The following RASA3 variants were observed in gnomAD, a reference collection of about 807,000 sequenced individuals.
RASA3 encodes RAS p21 protein activator 3, also known as ras GTPase-activating protein 3.
RASA3 carries 73 observed loss-of-function variants against 110.0 expected under a neutral mutation model. The observed-to-expected ratio is 0.66, with a 90% CI of 0.55 to 0.81. The LOEUF (loss-of-function observed/expected upper bound fraction) is 0.81. RASA3 is among the 30% of genes least tolerant of loss of function. The pLI is 0.00. For synonymous variants in RASA3, 500 were observed against 451.4 expected, an observed-to-expected ratio of 1.11 and a Z score of -1.37; for missense variants, 976 against 1,113.2, an observed-to-expected ratio of 0.88 and a Z score of 1.75.
At chr13:114,046,195 G>A (rs538706274) in intron 3 of RASA3, among the ~76,000 whole-genome samples, 111 of 152,356 alleles carry the variant, frequency 7.3e-4, no homozygotes, top group African/African-American at 2.5e-3. Flanking sequence ...TCAAGACTGC[G>A]TGGTATTGGC....
rs1428814840 is a variant in RASA3 at position 113,978,784 on chromosome 13, G to C, written c.*563C>G. On this transcript the variant is annotated 3_prime_UTR_variant, in exon 24 of 24. Transcript: ENST00000334062. ...CTCAGCCAGGAATCAAACGAACCTC[G>C]AAAGTGGAACAGGGAGGCCGCCTCC... 4 of 153,722 alleles carry C rather than the reference G, an allele frequency of 2.6e-5. No individual in the cohort carries two copies. The highest frequency in any genetic ancestry group is 4.3e-5 in the Non-Finnish European group (3 of 69,060). The allele number at this position is 153,722 out of a possible 1,614,324, so 9.5% of individuals were successfully genotyped here.
At position 113,996,611 on chromosome 13, in the gene RASA3, G is replaced by A. The variant is rs771810045; in HGVS notation, c.2061C>T (p.His687=). The A allele has an allele frequency of 6.2e-7, 1 of 1,613,676 alleles. No homozygotes were observed. The highest frequency in any genetic ancestry group is 8.5e-7 in the Non-Finnish European group (1 of 1,180,034). ...AGTGGCCGCTCAGGTAGGCGGACGG[G>A]TGGTAGACGGTGAGGCGCTTCTGGT... is the stretch of plus-strand genomic sequence containing the variant. ...QCNQKRLTVY[H]PSAYLSGHWL... Residue 687 remains histidine, a synonymous_variant, in exon 21 of 24, where the codon CAC becomes CAT. Transcript: ENST00000334062.
At chr13:114,033,845 C>T (rs576456677) in intron 4 of RASA3, among the ~76,000 whole-genome samples, 53 of 152,352 alleles carry the variant, frequency 3.5e-4, no homozygotes, top group African/African-American at 1.2e-3. Context: ...AGAGCAGGTC[C>T]TGAGGGGCCA....
At chr13:114,108,579 G>A (rs983562678) in intron 1 of RASA3, 22 of 150,648 alleles carry the variant, frequency 1.5e-4, no homozygotes, top group African/African-American at 4.2e-4. Flanking sequence ...CCCCGCGTCC[G>A]CCATCCACAT....
chr13:114,015,844 C>T (rs905472929), intron 13 of RASA3, among the ~76,000 whole-genome samples: 1 of 151,978 alleles, frequency 6.6e-6, no homozygotes, highest in Non-Finnish European at 1.5e-5. Flanking sequence ...GGAGCCGGGG[C>T]GGAGGCAGAG....
At chr13:114,052,734 TC>T (rs2079168187) in intron 2 of RASA3, among the ~76,000 whole-genome samples, 1 of 50,570 alleles carries the variant, frequency 2.0e-5, no homozygotes, top group Non-Finnish European at 3.9e-5. Context: ...GGGGGAGAGA[TC>T]CCCGCTGCTG....
At chr13:114,009,335 T>C in intron 17 of RASA3, 52 bp downstream of exon 17, 8 of 1,409,308 alleles carry the variant, frequency 5.7e-6, no homozygotes, top group East Asian at 2.3e-5. Flanking sequence ...AAAAGAGAAC[T>C]CCGTCTCCTG....
Position 114,048,231 on chromosome 13 carries a change from C to T in RASA3, c.277+3821G>A, listed in dbSNP as rs1294451767. Among the ~76,000 whole-genome samples, 5 of 151,446 alleles carry T rather than the reference C, an allele frequency of 3.3e-5. No homozygotes were observed. Among genetic ancestry groups the T allele is most frequent in the African/African-American group, 1.2e-4 (5 of 41,136 alleles). On this transcript the variant is annotated intron_variant, in intron 3 of 23. Transcript: ENST00000334062. The surrounding 1 kb of genome is among the most constrained non-coding windows in gnomAD (Gnocchi z 4.3). ...TCGGGAAGCTGAGGCAGGAGAATGGCGTGAACCCGGGAGGTGGAGGTTGCA... is the reference window on the plus strand; with the variant it reads ...TCGGGAAGCTGAGGCAGGAGAATGGTGTGAACCCGGGAGGTGGAGGTTGCA...
chr13:114,110,990 TAA>T (rs534002547), intron 1 of RASA3, among the ~76,000 whole-genome samples: 3 of 130,720 alleles, frequency 2.3e-5, no homozygotes, highest in Non-Finnish European at 3.3e-5. Context: ...CTGCTCAAAG[TAA>T]AAAAAAAAAA....
At chr13:114,028,003 G>T in intron 5 of RASA3, 76 bp from the exon 6 acceptor site, 1 of 1,285,308 alleles carries the variant, frequency 7.8e-7, no homozygotes, top group South Asian at 1.3e-5. Context: ...TCTGGGTCAG[G>T]CAGGAGGCCT....
intron 1 of RASA3, among the ~76,000 whole-genome samples, chr13:114,091,613 G>A (rs1479750850): frequency 1.3e-5 from 2 of 151,272 alleles, no homozygotes; most frequent in African/African-American, 4.9e-5. Context: ...TCTGCTTGCT[G>A]GTGTCTTGCT....
chr13:113,992,463 T>C (rs1344890643), intron 22 of RASA3, 22 bp downstream of exon 22: 2 of 1,592,240 alleles, frequency 1.3e-6, no homozygotes. Flanking sequence ...GCTGCACAGA[T>C]CTGTGTGCCG....
At chr13:113,996,300 C>T (rs1187509477) in intron 21 of RASA3, among the ~76,000 whole-genome samples, 4 of 152,162 alleles carry the variant, frequency 2.6e-5, no homozygotes, top group Non-Finnish European at 2.9e-5. Flanking sequence ...GGAAGACCCT[C>T]GAAGGCCTGT....
chr13:114,100,709 G>A (rs560443923), intron 1 of RASA3, among the ~76,000 whole-genome samples: 22 of 152,254 alleles, frequency 1.4e-4, no homozygotes, highest in East Asian at 3.9e-4. Context: ...AGGCTGGTTC[G>A]GTCTCTCTGC....
intron 2 of RASA3, among the ~76,000 whole-genome samples, chr13:114,060,987 AGACGGAGCCCCCCACAGCCG>A (rs1440935350): frequency 6.9e-6 from 1 of 144,780 alleles, no homozygotes; most frequent in African/African-American, 2.9e-5. Context: ...CACAGCCGGC[AGACGGAGCCCCCCACAGCCG>A]GCAGACGGAG....
At chr13:114,017,932 A>T (rs182606329) in intron 11 of RASA3, among the ~76,000 whole-genome samples, 172 bp downstream of exon 11, 3 of 152,184 alleles carry the variant, frequency 2.0e-5, no homozygotes, top group Non-Finnish European at 4.4e-5. Flanking sequence ...TTTCAAAAAA[A>T]AAAAAAAGAA....
intron 1 of RASA3, among the ~76,000 whole-genome samples, chr13:114,111,009 A>C (rs1318676405): frequency 6.6e-6 from 1 of 152,212 alleles, no homozygotes; most frequent in Non-Finnish European, 1.5e-5. Context: ...AAAAAACCTA[A>C]AACTGCAACA....
intron 6 of RASA3, 40 bp downstream of exon 6, chr13:114,027,807 C>T (rs148148759): frequency 1.3e-6 from 2 of 1,591,194 alleles, no homozygotes; most frequent in Non-Finnish European, 1.7e-6. Flanking sequence ...CCCTAGCCCC[C>T]CAGGACCAGA....
chr13:114,014,106 G>GTCTC lies in RASA3; in HGVS notation c.1406-862_1406-859dup, dbSNP rs112560884. Among the ~76,000 whole-genome samples the GTCTC allele has an allele frequency of 2.3e-5, 3 of 130,790 alleles. No individual in the cohort carries two copies. The highest frequency in any genetic ancestry group is 8.6e-5 in the African/African-American group (3 of 34,736). 85.8% of individuals were successfully genotyped at this position (130,790 alleles called of 152,430 possible). A position where few individuals can be genotyped will look rare whatever the true frequency, so the allele number is the denominator to read the frequency against. On this transcript the variant is annotated intron_variant, in intron 14 of 23. Transcript: ENST00000334062. The surrounding 1 kb of genome is among the most constrained non-coding windows in gnomAD (Gnocchi z 4.5). ...TCTGCCTCTCTCTCCGTCTCTCCCT[G>GTCTC]TCTCTCTCTCTCTCTCCTTGTCTCT...
Sources: gnomAD v4.1 joint callset for allele counts (sites outside exome capture counted in the v4.1 genomes callset) on GRCh38, gnomAD v4.1.1 for gene constraint, Gnocchi (gnomAD v3.1) non-coding constraint, MANE v1.5 for transcripts, NCBI Gene and HGNC (gene_info 2026-07-23, HGNC 2026-07-21) for gene names.